The following SCARB2 variants were observed in gnomAD, a reference collection of about 807,000 sequenced individuals.
SCARB2 encodes the protein scavenger receptor class B member 2.
In SCARB2, 29 loss-of-function variants were observed where a neutral mutation model predicts 58.6. That is an observed-to-expected ratio of 0.49 (90% CI 0.37 to 0.67). The LOEUF (loss-of-function observed/expected upper bound fraction) is 0.67. SCARB2 is among the 30% of genes least tolerant of loss of function. The pLI is 0.00. For missense variants in SCARB2, 488 were observed against 578.5 expected (o/e 0.84, Z 1.60); for synonymous variants, 195 against 210.1 (o/e 0.93, Z 0.62).
rs1731844072 is a variant in SCARB2, at chr4:76,159,255, T to C, written c.*2458A>G. On this transcript the variant is annotated 3_prime_UTR_variant, in exon 12 of 12. Transcript: ENST00000264896. Reference sequence around the variant, plus strand: ...TACAATCACAAAGCCTTTGGGGGTCTTTCTAAGATAACTGCCGCAAGAAAA... The same window carrying C: ...TACAATCACAAAGCCTTTGGGGGTCCTTCTAAGATAACTGCCGCAAGAAAA... 1 of 152,224 alleles carries C rather than the reference T, an allele frequency of 6.6e-6. No individual in the cohort carries two copies. 9.4% of individuals were successfully genotyped at this position (152,224 alleles called of 1,614,324 possible).
chr4:76,211,232 G>C (rs965551537), intron 1 of SCARB2, among the ~76,000 whole-genome samples: 1 of 152,212 alleles, frequency 6.6e-6, no homozygotes, highest in Non-Finnish European at 1.5e-5. Context: ...GGCTTCGCAA[G>C]GGTCTGTGCA....
Position 76,213,625 on chromosome 4 carries a change from T to C in SCARB2, c.-82A>G. On this transcript the variant is annotated 5_prime_UTR_variant, in exon 1 of 12. Coordinates refer to ENST00000264896, the MANE Select transcript of SCARB2 (RefSeq NM_005506.4). ...GGAGGGAGGAGCCGCCGCAGAGGCG[T>C]CGAAGACCCGGGACCCTTCGGCGCC... 1 of 1,153,136 alleles carries C rather than the reference T, an allele frequency of 8.7e-7. No individual in the cohort carries two copies. Among genetic ancestry groups the C allele is most frequent in the South Asian group, 1.3e-5 (1 of 78,264 alleles). 71.4% of individuals were successfully genotyped at this position (1,153,136 alleles called of 1,614,324 possible).
chr4:76,170,081 A>C (rs1732098862), intron 7 of SCARB2, 96 bp from the exon 8 acceptor site: 1 of 1,051,136 alleles, frequency 9.5e-7, no homozygotes, highest in Admixed American at 1.7e-5. Context: ...GTTCCTAAAG[A>C]AAAACAAAAA....
rs548701375 is a variant in SCARB2, at chr4:76,228,740, CTTT to C, written c.-358+5560_-358+5562del. Among the ~76,000 whole-genome samples, 877 of 152,182 alleles carry C rather than the reference CTTT, an allele frequency of 5.8e-3. 11 individuals carry two copies. The highest frequency in any genetic ancestry group is 0.02 in the African/African-American group (830 of 41,534). On this transcript the variant is annotated intron_variant, in intron 1 of 11. Transcript: ENST00000638295. ...CCTGCTATTAATCTGATAGATTTTC[CTTT>C]ATAGGTTACATGATGCTTTTGCCTC...
chr4:76,223,414 C>T (rs905708452), intron 1 of SCARB2, among the ~76,000 whole-genome samples: 1 of 152,248 alleles, frequency 6.6e-6, no homozygotes, highest in Admixed American at 6.5e-5. Context: ...TTTGAGAATT[C>T]ATCAAAATTT....
chr4:76,179,773 T>C lies in SCARB2; in HGVS notation c.424-68A>G, dbSNP rs1732341421. The C allele has an allele frequency of 8.5e-6, 10 of 1,170,134 alleles. No individual in the cohort carries two copies. In the Admixed American group the frequency reaches 1.3e-4, roughly 16 times the overall value. The allele number at this position is 1,170,134 out of a possible 1,614,324, so 72.5% of individuals were successfully genotyped here. On this transcript the variant is annotated intron_variant, in intron 3 of 11. Transcript: ENST00000264896. Reference sequence around the variant, plus strand: ...AGCACCTCCATCCACTCTCTCCTACTACCCCATAGCAAAGGGGGTTGGAAA... The same window carrying C: ...AGCACCTCCATCCACTCTCTCCTACCACCCCATAGCAAAGGGGGTTGGAAA...
chr4:76,229,091 T>G (rs1457094602), intron 1 of SCARB2, among the ~76,000 whole-genome samples: 1 of 152,190 alleles, frequency 6.6e-6, no homozygotes, highest in African/African-American at 2.4e-5. Context: ...GTTTTCAAGC[T>G]CTGAAATTCT....
At chr4:76,162,981 A>C in intron 11 of SCARB2, 1 of 607,950 alleles carries the variant, frequency 1.6e-6, no homozygotes, top group Non-Finnish European at 2.9e-6. Flanking sequence ...CTCCCAGGGG[A>C]TACATCCAAA....
In SCARB2 at chr4:76,205,888, C is replaced by T. The variant is rs1179205370; in HGVS notation, c.117+7539G>A. Reference sequence around the variant, plus strand: ...CATTTCTCTACTCTAAGAAACACAACAGCACATGCACAACAACGGATACCT... The same window carrying T: ...CATTTCTCTACTCTAAGAAACACAATAGCACATGCACAACAACGGATACCT... On this transcript the variant is annotated intron_variant, in intron 1 of 11. Coordinates refer to ENST00000264896, the MANE Select transcript of SCARB2 (RefSeq NM_005506.4). Among the ~76,000 whole-genome samples the T allele has an allele frequency of 2.6e-5, 4 of 152,252 alleles. No individual in the cohort carries two copies. In the East Asian group the frequency reaches 7.7e-4, roughly 29 times the overall value.
At chr4:76,170,549 T>C (rs1732107605) in intron 7 of SCARB2, among the ~76,000 whole-genome samples, 1 of 152,198 alleles carries the variant, frequency 6.6e-6, no homozygotes, top group South Asian at 2.1e-4. Context: ...TTTTTTGTTT[T>C]GTTTTGTTTT....
intron 4 of SCARB2, among the ~76,000 whole-genome samples, chr4:76,178,565 A>T (rs990488686): frequency 6.6e-6 from 1 of 152,124 alleles, no homozygotes; most frequent in Non-Finnish European, 1.5e-5. Flanking sequence ...GCTCTCCTGA[A>T]ATTATTTCTA....
intron 2 of SCARB2, among the ~76,000 whole-genome samples, chr4:76,186,423 G>A (rs1211097131): frequency 1.3e-5 from 2 of 152,050 alleles, no homozygotes; most frequent in Non-Finnish European, 2.9e-5. Context: ...AAGGAGTACT[G>A]AAGTCCTAGG....
In SCARB2 at chr4:76,166,315, G is replaced by A; in HGVS notation, c.1188-14C>T. The A allele has an allele frequency of 1.2e-6, 2 of 1,613,674 alleles. No individual in the cohort carries two copies. Among genetic ancestry groups the A allele is most frequent in the Non-Finnish European group, 1.7e-6 (2 of 1,179,652 alleles). On this transcript the variant is annotated splice_polypyrimidine_tract_variant and intron_variant, in intron 9 of 11. Coordinates refer to ENST00000264896, the MANE Select transcript of SCARB2 (RefSeq NM_005506.4). ...TCTCCCGTTTCACTACAAAGACAAA[G>A]GATGAGATTGTTTCAGAAACATCCT...
At chr4:76,164,811 A>G (rs2109933094) in intron 10 of SCARB2, 1 of 152,226 alleles carries the variant, frequency 6.6e-6, no homozygotes, top group Admixed American at 6.5e-5. Context: ...AAAAAAAGAA[A>G]AGAAAGCATT....
intron 1 of SCARB2, among the ~76,000 whole-genome samples, chr4:76,228,977 T>C (rs920944346): frequency 6.6e-6 from 1 of 152,196 alleles, no homozygotes; most frequent in Non-Finnish European, 1.5e-5. Flanking sequence ...CAATTATTCT[T>C]AGGGTTGGCT....
chr4:76,231,714 C>T (rs4859436), intron 1 of SCARB2, among the ~76,000 whole-genome samples: 22,821 of 152,158 alleles, frequency 0.15, 2,042 homozygotes, highest in East Asian at 0.35. Flanking sequence ...AAAGCTGAGC[C>T]CAGGCATGGG....
chr4:76,201,968 T>C (rs1202215801), intron 1 of SCARB2, among the ~76,000 whole-genome samples: 8 of 152,252 alleles, frequency 5.3e-5, no homozygotes, highest in South Asian at 2.1e-4. Flanking sequence ...GGAGATATAA[T>C]GGTAGACAAG....
intron 2 of SCARB2, among the ~76,000 whole-genome samples, chr4:76,186,266 AG>A (rs1732483101): frequency 6.6e-6 from 1 of 152,152 alleles, no homozygotes; most frequent in Non-Finnish European, 1.5e-5. Context: ...GTTCCAACAG[AG>A]GCAGCGGTGG....
intron 9 of SCARB2, chr4:76,166,804 C>G (rs1732018026): frequency 6.3e-6 from 1 of 159,992 alleles, no homozygotes; most frequent in Admixed American, 6.0e-5. Flanking sequence ...CTAGGATCAC[C>G]ACAAGTAAGT....
Sources: allele counts gnomAD v4.1 joint callset (sites outside exome capture counted in the v4.1 genomes callset), GRCh38; gene constraint gnomAD v4.1.1; transcripts MANE v1.5; gene names NCBI Gene and HGNC (gene_info 2026-07-23, HGNC 2026-07-21).